The following RNF157 variants were observed in gnomAD, a reference collection of about 807,000 sequenced individuals.
RNF157 encodes E3 ubiquitin ligase RNF157.
A neutral mutation model predicts 88.3 loss-of-function variants in RNF157; 55 were observed. That is an observed-to-expected ratio of 0.62 (90% CI 0.50 to 0.78). The LOEUF (loss-of-function observed/expected upper bound fraction) is 0.78, where lower values mean the gene tolerates loss of function less well. Ranked by LOEUF, RNF157 falls within the 30% of genes least tolerant of loss-of-function variation. RNF157 has a pLI of 0.00. For missense variants in RNF157, 788 were observed against 860.8 expected, an observed-to-expected ratio of 0.92 and a Z score of 1.06; for synonymous variants, 334 against 341.2, an observed-to-expected ratio of 0.98 and a Z score of 0.23.
In RNF157 at chr17:76,155,604, A is replaced by G. The variant is rs1490488123; in HGVS notation, c.1656T>C (p.Ser552=). Reference sequence around the variant, plus strand: ...GGGCCCTGCTGGCAGGCTGGGGGGAAGAGAGAGCCTCTCCCTCCTCTTCAG... The same window carrying G: ...GGGCCCTGCTGGCAGGCTGGGGGGAGGAGAGAGCCTCTCCCTCCTCTTCAG... ...PGTEEEGEAL[S]SPQPASRAPS... The change falls in exon 15 of 19, where the codon TCT becomes TCC. Residue 552 remains serine (S), a synonymous_variant. Coordinates refer to ENST00000269391, the MANE Select transcript of RNF157 (RefSeq NM_052916.3). 3 of 1,613,018 alleles carry G rather than the reference A, an allele frequency of 1.9e-6. No individual in the cohort carries two copies. The highest frequency in any genetic ancestry group is 1.7e-5 in the Admixed American group (1 of 59,660).
intron 3 of RNF157, among the ~76,000 whole-genome samples, chr17:76,168,428 A>ATTTTTTTTTTTTTTTTT (rs55760274): frequency 1.4e-5 from 2 of 141,810 alleles, no homozygotes; most frequent in African/African-American, 2.6e-5. Context: ...TGCTCATCCT[A>ATTTTTTTTTTTTTTTTT]TTTTTTTTTT....
chr17:76,174,076 T>TAA (rs889117041), intron 2 of RNF157, among the ~76,000 whole-genome samples: 1 of 147,750 alleles, frequency 6.8e-6, no homozygotes, highest in Non-Finnish European at 1.5e-5. Context: ...GAATTAATAA[T>TAA]AAAAAAAAAA....
At chr17:76,234,113 A>T (rs1023173997) in intron 1 of RNF157, among the ~76,000 whole-genome samples, 9 of 152,220 alleles carry the variant, frequency 5.9e-5, no homozygotes, top group African/African-American at 2.2e-4. Context: ...GGCATTTCTT[A>T]TAAATGAGAT....
chr17:76,174,256 T>C (rs2069068604), intron 2 of RNF157, among the ~76,000 whole-genome samples: 1 of 152,152 alleles, frequency 6.6e-6, no homozygotes, highest in Non-Finnish European at 1.5e-5. Context: ...GGCCCCATCA[T>C]GTGTACAGAG....
chr17:76,145,013 G>C lies in RNF157; in HGVS notation c.*222C>G. On this transcript the variant is annotated 3_prime_UTR_variant, in exon 19 of 19. Coordinates refer to ENST00000269391, the MANE Select transcript of RNF157 (RefSeq NM_052916.3). ...AGGACATTCCAGAGTCCCTGCAAAA[G>C]GTCTCGTGAGCTGCAGTTCATTGAG... 2.0e-6 allele frequency: 1 copy of C among 507,718 alleles called. No individual in the cohort carries two copies. The highest frequency in any genetic ancestry group is 3.5e-6 in the Non-Finnish European group (1 of 286,634). 31.5% of individuals were successfully genotyped at this position (507,718 alleles called of 1,614,324 possible). A position where few individuals can be genotyped will look rare whatever the true frequency, so the allele number is the denominator to read the frequency against.
chr17:76,210,462 T>C (rs373353975), intron 2 of RNF157, among the ~76,000 whole-genome samples: 4,257 of 149,026 alleles, frequency 0.029, 160 homozygotes, highest in African/African-American at 0.086. Context: ...TAGTGGCGGG[T>C]GCCTGTAGTC....
intron 3 of RNF157, 45 bp downstream of exon 3, chr17:76,173,657 C>T (rs1440562317): frequency 6.8e-7 from 1 of 1,472,088 alleles, no homozygotes; most frequent in Non-Finnish European, 9.4e-7. Flanking sequence ...CCAGCCTCCC[C>T]AAAGGAAGGT....
intron 2 of RNF157, among the ~76,000 whole-genome samples, chr17:76,194,571 T>C (rs2069441509): frequency 6.6e-6 from 1 of 152,210 alleles, no homozygotes; most frequent in Admixed American, 6.5e-5. Context: ...ATAGTCTCTA[T>C]AGAAATGGCC....
At position 76,157,282 on chromosome 17, in the gene RNF157, T is replaced by C. The variant is rs1598390880; in HGVS notation, c.1414-961A>G. 6.6e-6 allele frequency among the ~76,000 whole-genome samples: 1 copy of C among 152,232 alleles called. No homozygotes were observed. The highest frequency in any genetic ancestry group is 2.1e-4 in the South Asian group (1 of 4,830). On this transcript the variant is annotated intron_variant, in intron 13 of 18. Coordinates refer to ENST00000269391, the MANE Select transcript of RNF157 (RefSeq NM_052916.3). This position sits in a 1 kb window ranked among gnomAD's most constrained non-coding sequence, Gnocchi z 5.6. ...CGCCCGGCCAGTCACACAGTCCTTCTTGCCTGGGCTACTGAAACCCTCTCC... is the reference window on the plus strand; with the variant it reads ...CGCCCGGCCAGTCACACAGTCCTTCCTGCCTGGGCTACTGAAACCCTCTCC...
intron 2 of RNF157, among the ~76,000 whole-genome samples, chr17:76,187,804 G>C (rs1276042772): frequency 6.6e-6 from 1 of 152,024 alleles, no homozygotes; most frequent in East Asian, 1.9e-4. Context: ...TACCATGTTG[G>C]TCAGGCTGCT....
intron 2 of RNF157, among the ~76,000 whole-genome samples, chr17:76,211,188 C>T (rs1164455557): frequency 1.3e-5 from 2 of 152,232 alleles, no homozygotes; most frequent in South Asian, 2.1e-4. Context: ...GTATCCACAG[C>T]GCCTATCACA....
At chr17:76,188,053 C>T (rs1048042068) in intron 2 of RNF157, among the ~76,000 whole-genome samples, 1 of 152,158 alleles carries the variant, frequency 6.6e-6, no homozygotes, top group Admixed American at 6.5e-5. Flanking sequence ...CTTCAGTCAC[C>T]CCCCAATAGC....
chr17:76,167,694 T>C lies in RNF157; in HGVS notation c.400A>G (p.Ile134Val). 6.2e-7 allele frequency: 1 copy of C among 1,614,188 alleles called. No homozygotes were observed. ...AACTCTTCCGTGGCCTGGTAATAGATGGTGATGGCTACCCGAGCATCTGTG... is the reference window on the plus strand; with the variant it reads ...AACTCTTCCGTGGCCTGGTAATAGACGGTGATGGCTACCCGAGCATCTGTG... Reference protein sequence around the residue: ...FDTDARVAITIYYQATEEFQN... With the variant: ...FDTDARVAITVYYQATEEFQN... The change falls in exon 4 of 19, where the codon ATC becomes GTC. Residue 134 changes from isoleucine (I) to valine (V), a missense_variant. By Grantham distance (29) the Ile-to-Val change is conservative (BLOSUM62 3). Transcript: ENST00000269391.
intron 13 of RNF157, among the ~76,000 whole-genome samples, chr17:76,158,114 C>T (rs1173729253): frequency 1.3e-5 from 2 of 151,956 alleles, no homozygotes; most frequent in Non-Finnish European, 2.9e-5. Flanking sequence ...GTCTTTTGTG[C>T]CCCCCACCCC....
intron 1 of RNF157, among the ~76,000 whole-genome samples, chr17:76,238,996 C>CT (rs1390833325): frequency 1.3e-5 from 2 of 152,202 alleles, no homozygotes; most frequent in Non-Finnish European, 2.9e-5. Context: ...CTGGCCCCTG[C>CT]TTTCACCTGG....
At chr17:76,211,047 T>C (rs1345087841) in intron 2 of RNF157, among the ~76,000 whole-genome samples, 2 of 152,182 alleles carry the variant, frequency 1.3e-5, no homozygotes, top group Non-Finnish European at 2.9e-5. Flanking sequence ...TCAGGTGATC[T>C]GTCCACCTCG....
intron 7 of RNF157, 57 bp from the exon 8 acceptor site, chr17:76,164,852 ATTC>A (rs1468342859): frequency 2.3e-6 from 3 of 1,326,552 alleles, no homozygotes; most frequent in African/African-American, 2.9e-5. Flanking sequence ...AGCACCAGGT[ATTC>A]TTCTGTTACA....
At chr17:76,170,182 A>G (rs34995888) in intron 3 of RNF157, among the ~76,000 whole-genome samples, 50,173 of 151,932 alleles carry the variant, frequency 0.33, 10,167 homozygotes, top group African/African-American at 0.58. Flanking sequence ...TAGGGGCAGA[A>G]TGGAGAGGCA....
intron 2 of RNF157, among the ~76,000 whole-genome samples, chr17:76,192,643 C>T (rs1216403145): frequency 1.3e-5 from 2 of 152,128 alleles, no homozygotes; most frequent in Admixed American, 6.5e-5. Context: ...AACTGAAAAA[C>T]ACAGACCACC....
Sources: allele counts gnomAD v4.1 joint callset (sites outside exome capture counted in the v4.1 genomes callset), GRCh38; gene constraint gnomAD v4.1.1; non-coding constraint Gnocchi (gnomAD v3.1); transcripts MANE v1.5; gene names NCBI Gene and HGNC (gene_info 2026-07-23, HGNC 2026-07-21).